NMNAT2: variants seen among roughly 807,000 people sequenced by gnomAD.
NMNAT2 encodes nicotinamide nucleotide adenylyltransferase 2.
Under a neutral mutation model 41.6 loss-of-function variants are expected in NMNAT2, and 11 were observed. That is an observed-to-expected ratio of 0.26 (90% confidence interval 0.17 to 0.44). The LOEUF is 0.44. NMNAT2 is among the 20% of genes least tolerant of loss of function. The probability of loss-of-function intolerance (pLI) is 1.00; values close to 1 mark genes in which losing one functional copy is unlikely to be tolerated. For missense variants in NMNAT2, 288 were observed against 407.7 expected, an observed-to-expected ratio of 0.71 and a Z score of 2.53; for synonymous variants, 148 against 151.2, an observed-to-expected ratio of 0.98 and a Z score of 0.16.
intron 7 of NMNAT2, among the ~76,000 whole-genome samples, chr1:183,279,027 G>A (rs944587435): frequency 1.3e-5 from 2 of 152,170 alleles, no homozygotes; most frequent in Non-Finnish European, 2.9e-5. Flanking sequence ...AAGCTCAAAC[G>A]CCAACAGAGT....
intron 1 of NMNAT2, among the ~76,000 whole-genome samples, chr1:183,334,001 C>G (rs962672939): frequency 1.3e-5 from 2 of 152,032 alleles, no homozygotes; most frequent in Non-Finnish European, 2.9e-5. Context: ...GTAAGAAAGC[C>G]GAAAGGAGAA....
At chr1:183,286,895 C>CTCTGGG in intron 4 of NMNAT2, 107 bp from the exon 5 acceptor site, 1 of 1,230,500 alleles carries the variant, frequency 8.1e-7, no homozygotes, top group Non-Finnish European at 1.1e-6. Flanking sequence ...CCACCCAGAG[C>CTCTGGG]TGAGGAAGAG....
At chr1:183,263,464 T>C (rs1660715813) in intron 8 of NMNAT2, among the ~76,000 whole-genome samples, 1 of 152,140 alleles carries the variant, frequency 6.6e-6, no homozygotes, top group African/African-American at 2.4e-5. Flanking sequence ...GGCTGCACAT[T>C]AGAATCACCT....
intron 1 of NMNAT2, among the ~76,000 whole-genome samples, chr1:183,394,761 A>G (rs774503635): frequency 2.0e-5 from 3 of 152,168 alleles, no homozygotes; most frequent in Admixed American, 6.5e-5. Context: ...TCACATCTCA[A>G]TGAGGTCCTC....
chr1:183,314,996 G>A lies in NMNAT2; in HGVS notation c.86-21203C>T, dbSNP rs143035636. 2.7e-3 allele frequency among the ~76,000 whole-genome samples: 411 copies of A among 152,290 alleles called. 2 individuals are homozygous for A. The highest frequency in any genetic ancestry group is 0.014 in the South Asian group (66 of 4,826). On this transcript the variant is annotated intron_variant, in intron 1 of 10. Transcript: ENST00000287713. ...GTAGTAACTTATGGGGGAAAAAGTC[G>A]TACACTTTGTATATGCTAGTTTTGC...
intron 7 of NMNAT2, among the ~76,000 whole-genome samples, chr1:183,281,485 C>T (rs1438339968): frequency 2.0e-5 from 3 of 152,234 alleles, no homozygotes; most frequent in African/African-American, 7.2e-5. Context: ...ATTCCCAAGC[C>T]AGGGACACAC....
At chr1:183,385,850 C>T (rs533102231) in intron 1 of NMNAT2, among the ~76,000 whole-genome samples, 2 of 152,266 alleles carry the variant, frequency 1.3e-5, no homozygotes, top group African/African-American at 2.4e-5. Flanking sequence ...CTTATTTGAT[C>T]GTTCCTCTCT....
intron 1 of NMNAT2, among the ~76,000 whole-genome samples, chr1:183,373,958 C>G (rs139826057): frequency 2.2e-3 from 333 of 152,276 alleles, no homozygotes; most frequent in African/African-American, 7.5e-3. Context: ...GAAGTGCTAC[C>G]TTGTATTGAG....
intron 1 of NMNAT2, among the ~76,000 whole-genome samples, chr1:183,376,700 A>G (rs1426792660): frequency 6.6e-6 from 1 of 152,158 alleles, no homozygotes; most frequent in African/African-American, 2.4e-5. Flanking sequence ...ATTTCCCTAT[A>G]TAGAACTTTA....
intron 1 of NMNAT2, among the ~76,000 whole-genome samples, chr1:183,318,842 T>A (rs1662305263): frequency 6.6e-6 from 1 of 152,238 alleles, no homozygotes; most frequent in Non-Finnish European, 1.5e-5. Flanking sequence ...GGCAAAGAAG[T>A]ACAAGCCAGC....
At chr1:183,329,973 A>G (rs1039367517) in intron 1 of NMNAT2, among the ~76,000 whole-genome samples, 1 of 152,180 alleles carries the variant, frequency 6.6e-6, no homozygotes, top group Non-Finnish European at 1.5e-5. Context: ...TCACTCTATC[A>G]CAACTCCTCT....
chr1:183,330,602 C>T lies in NMNAT2; in HGVS notation c.86-36809G>A, dbSNP rs566051249. Among the ~76,000 whole-genome samples the T allele has an allele frequency of 2.6e-5, 4 of 152,324 alleles. No homozygotes were observed. In the East Asian group the frequency reaches 7.7e-4, roughly 29 times the overall value. ...GCGCCACAGCTGACTGGCCAGTTAT[C>T]TCCCCATCCCAAAGCAAAACTTGGT... On this transcript the variant is annotated intron_variant, in intron 1 of 10. Transcript: ENST00000287713.
At chr1:183,316,565 C>T (rs1218488929) in intron 1 of NMNAT2, among the ~76,000 whole-genome samples, 4 of 152,176 alleles carry the variant, frequency 2.6e-5, no homozygotes, top group Non-Finnish European at 5.9e-5. Context: ...AGCCAGGGCT[C>T]GCCAGCCCCC....
At chr1:183,299,046 A>G (rs1297334692) in intron 1 of NMNAT2, among the ~76,000 whole-genome samples, 4 of 152,198 alleles carry the variant, frequency 2.6e-5, no homozygotes, top group East Asian at 1.9e-4. Flanking sequence ...ACTGTGGTAC[A>G]CCCATACCAT....
Position 183,418,367 on chromosome 1 carries a change from A to T in NMNAT2, c.-100T>A. 4.2e-6 allele frequency: 5 copies of T among 1,190,466 alleles called. No individual in the cohort carries two copies. The highest frequency in any genetic ancestry group is 6.2e-6 in the Non-Finnish European group (5 of 803,998). The allele number at this position is 1,190,466 out of a possible 1,614,324, so 73.7% of individuals were successfully genotyped here. A position where few individuals can be genotyped will look rare whatever the true frequency, so the allele number is the denominator to read the frequency against. ...AAGGAAGGCGAGGCTCCGGCGGTGGATGCTGTGGACTCCAAGGAGCCGCTC... is the reference window on the plus strand; with the variant it reads ...AAGGAAGGCGAGGCTCCGGCGGTGGTTGCTGTGGACTCCAAGGAGCCGCTC... On this transcript the variant is annotated 5_prime_UTR_variant, in exon 1 of 11. Transcript: ENST00000287713.
intron 7 of NMNAT2, chr1:183,283,688 G>C: frequency 2.4e-6 from 1 of 414,664 alleles, no homozygotes; most frequent in Admixed American, 3.6e-5. Flanking sequence ...CCAAAAGAAG[G>C]GTCTTTCCAG....
At chr1:183,329,376 C>G (rs1214169397) in intron 1 of NMNAT2, among the ~76,000 whole-genome samples, 1 of 152,198 alleles carries the variant, frequency 6.6e-6, no homozygotes, top group Non-Finnish European at 1.5e-5. Context: ...ATTCCCTGAT[C>G]TGGACTCTTA....
At chr1:183,307,918 G>A (rs1425898566) in intron 1 of NMNAT2, among the ~76,000 whole-genome samples, 1 of 152,188 alleles carries the variant, frequency 6.6e-6, no homozygotes, top group African/African-American at 2.4e-5. Flanking sequence ...GAGAAGCCAA[G>A]GTTGGGGAGG....
At chr1:183,260,887 C>A in intron 10 of NMNAT2, 115 bp downstream of exon 10, 7 of 734,500 alleles carry the variant, frequency 9.5e-6, no homozygotes, top group Admixed American at 1.8e-5. Flanking sequence ...GGAAGCTAAA[C>A]ACCAGGGCAG....
Sources: allele counts gnomAD v4.1 joint callset (sites outside exome capture counted in the v4.1 genomes callset), GRCh38; gene constraint gnomAD v4.1.1; transcripts MANE v1.5; gene names NCBI Gene and HGNC (gene_info 2026-07-23, HGNC 2026-07-21).